The following DAB1 variants were observed in gnomAD, a reference collection of about 807,000 sequenced individuals.
DAB1 encodes the protein disabled homolog 1.
DAB1 carries 15 observed loss-of-function variants against 64.6 expected under a neutral mutation model. That is an observed-to-expected ratio of 0.23 (90% CI 0.16 to 0.36). The LOEUF (loss-of-function observed/expected upper bound fraction) is 0.36. DAB1 is among the 10% of genes least tolerant of loss of function. The pLI is 1.00. For missense variants in DAB1, 596 were observed against 706.7 expected (o/e 0.84, Z 1.78); for synonymous variants, 235 against 251.9 (o/e 0.93, Z 0.64).
rs959716033 is a variant in DAB1 at position 57,702,014 on chromosome 1, C to T, written n.552-52349G>A. On this transcript the variant is annotated intron_variant and non_coding_transcript_variant, in intron 6 of 20. Transcript: ENST00000485760. ...GTTAGAGTTGGTCAATGGTTCCTTG[C>T]TCTGTCCATTTGAGGAGGCCATGGT... is the stretch of plus-strand genomic sequence containing the variant. Among the ~76,000 whole-genome samples the T allele has an allele frequency of 4.6e-5, 7 of 152,174 alleles. 1 individual carries two copies. Among genetic ancestry groups the T allele is most frequent in the African/African-American group, 1.7e-4 (7 of 41,446 alleles).
chr1:58,131,949 A>T (rs1195166140), intron 5 of DAB1, among the ~76,000 whole-genome samples: 4 of 151,588 alleles, frequency 2.6e-5, no homozygotes, highest in Admixed American at 2.6e-4. Context: ...GTGCCTACAG[A>T]GGCAGGCAGG....
Position 57,695,376 on chromosome 1 carries a change from GAAA to G in DAB1, n.552-45714_552-45712del, listed in dbSNP as rs1557427824. ...AGAAAAGAAAGAAGAAAGAAAGAAA[GAAA>G]GAAAGAAAGAAAGAAAGAAAGAAAG... On this transcript the variant is annotated intron_variant and non_coding_transcript_variant, in intron 6 of 20. Transcript: ENST00000485760. Among the ~76,000 whole-genome samples, 491 of 62,306 alleles carry G rather than the reference GAAA, an allele frequency of 7.9e-3. 23 individuals are homozygous for G. Among genetic ancestry groups the G allele is most frequent in the African/African-American group, 0.033 (457 of 13,948 alleles). The allele number at this position is 62,306 out of a possible 152,430, so 40.9% of individuals were successfully genotyped here.
intron 3 of DAB1, among the ~76,000 whole-genome samples, chr1:58,386,059 A>G (rs191223720): frequency 5.3e-5 from 8 of 152,322 alleles, no homozygotes; most frequent in African/African-American, 1.9e-4. Flanking sequence ...GCGTTTTCGT[A>G]TCATTAAAAT....
At chr1:57,974,168 T>C (rs1478669753) in intron 5 of DAB1, among the ~76,000 whole-genome samples, 4 of 152,190 alleles carry the variant, frequency 2.6e-5, no homozygotes, top group Non-Finnish European at 4.4e-5. Context: ...TTCATTTGAC[T>C]GTCTCCTCAT....
intron 2 of DAB1, among the ~76,000 whole-genome samples, chr1:57,252,247 C>T (rs1309603183): frequency 6.6e-6 from 1 of 152,144 alleles, no homozygotes; most frequent in Non-Finnish European, 1.5e-5. Context: ...CTATATTCTC[C>T]CATTTGATTC....
rs537708173 is a variant in DAB1 at position 57,569,350 on chromosome 1, G to A, written n.625+80242C>T. Among the ~76,000 whole-genome samples, 6 of 150,976 alleles carry A rather than the reference G, an allele frequency of 4.0e-5. No homozygotes were observed. The South Asian group carries it at 6.3e-4, about 16-fold the overall frequency. ...TTGGAACCAACCCAAATGTCCATCA[G>A]TGATAGACTGGATTAAGAAAATGTG... On this transcript the variant is annotated intron_variant and non_coding_transcript_variant, in intron 7 of 20. Transcript: ENST00000485760.
At chr1:57,773,229 T>C (rs1035001689) in intron 6 of DAB1, among the ~76,000 whole-genome samples, 1 of 152,050 alleles carries the variant, frequency 6.6e-6, no homozygotes, top group Non-Finnish European at 1.5e-5. Context: ...ATAGCATTTT[T>C]TCATGTACTG....
At chr1:57,593,728 TA>T (rs1645473212) in intron 7 of DAB1, among the ~76,000 whole-genome samples, 2 of 152,060 alleles carry the variant, frequency 1.3e-5, no homozygotes, top group South Asian at 2.1e-4. Context: ...ATCAGGATTT[TA>T]AAAAAAGGGT....
chr1:57,057,609 T>G (rs1309227906), intron 9 of DAB1, among the ~76,000 whole-genome samples: 1 of 61,818 alleles, frequency 1.6e-5, no homozygotes, highest in East Asian at 5.0e-4. Context: ...ACACTGATTC[T>G]TTTTTTTTTT....
At chr1:58,293,635 A>G (rs1661901198) in intron 4 of DAB1, among the ~76,000 whole-genome samples, 1 of 152,194 alleles carries the variant, frequency 6.6e-6, no homozygotes, top group Non-Finnish European at 1.5e-5. Flanking sequence ...CCAGCTGTAC[A>G]GGCCAGCTCT....
At chr1:57,979,418 TG>T (rs1205578737) in intron 5 of DAB1, among the ~76,000 whole-genome samples, 2 of 150,944 alleles carry the variant, frequency 1.3e-5, no homozygotes, top group Non-Finnish European at 3.0e-5. Context: ...CTATGGGGGA[TG>T]GGGGGCTAGG....
At chr1:57,071,154 A>G in intron 6 of DAB1, 93 bp from the exon 7 acceptor site, 1 of 1,258,432 alleles carries the variant, frequency 7.9e-7, no homozygotes, top group Non-Finnish European at 1.1e-6. Context: ...CAGTAAAGAA[A>G]CCAGCTCTGG....
At chr1:57,746,887 G>T (rs997095352) in intron 6 of DAB1, among the ~76,000 whole-genome samples, 2 of 151,446 alleles carry the variant, frequency 1.3e-5, no homozygotes, top group African/African-American at 2.4e-5. Flanking sequence ...TGTCTTTTAC[G>T]TACTGATTTA....
Position 57,311,656 on chromosome 1 carries a change from T to C in DAB1, c.-136-20490A>G, listed in dbSNP as rs1319482561. Among the ~76,000 whole-genome samples, 7 of 152,138 alleles carry C rather than the reference T, an allele frequency of 4.6e-5. 1 individual carries two copies. In the East Asian group the frequency reaches 1.4e-3, roughly 29 times the overall value. On this transcript the variant is annotated intron_variant, in intron 1 of 14. Coordinates refer to ENST00000371236, the MANE Select transcript of DAB1 (RefSeq NM_001365792.1). ...ATAAATGAAGATTCGGTTTAACTCA[T>C]CTGGAAAAGTTAACTTTTCTGGATG...
intron 4 of DAB1, among the ~76,000 whole-genome samples, chr1:58,203,080 G>T (rs1012440881): frequency 1.3e-5 from 2 of 152,182 alleles, no homozygotes; most frequent in African/African-American, 4.8e-5. Context: ...AGAAGATCCT[G>T]CCCTTAAGAG....
intron 3 of DAB1, among the ~76,000 whole-genome samples, chr1:58,387,082 AAAAC>A (rs1557746398): frequency 6.6e-6 from 1 of 152,194 alleles, no homozygotes; most frequent in Non-Finnish European, 1.5e-5. Context: ...ACAAAACAAA[AAAAC>A]AAACAAACAA....
chr1:57,102,703 A>G (rs1557723616), intron 4 of DAB1, among the ~76,000 whole-genome samples: 1 of 152,192 alleles, frequency 6.6e-6, no homozygotes, highest in South Asian at 2.1e-4. Flanking sequence ...AAAGTATAGG[A>G]TATCATGAAG....
In DAB1 at chr1:58,434,599, G is replaced by C. The variant is rs139598499; in HGVS notation, n.257+71461C>G. Reference sequence around the variant, plus strand: ...GGGTTTAAGAAAGAGATCTGAGTGGGAGACATAAATTTGGGATTTATCACC... The same window carrying C: ...GGGTTTAAGAAAGAGATCTGAGTGGCAGACATAAATTTGGGATTTATCACC... On this transcript the variant is annotated intron_variant and non_coding_transcript_variant, in intron 3 of 20. Transcript: ENST00000485760. 1.3e-3 allele frequency among the ~76,000 whole-genome samples: 195 copies of C among 152,252 alleles called. 2 individuals carry two copies. The East Asian group carries it at 0.029, about 22-fold the overall frequency.
intron 3 of DAB1, among the ~76,000 whole-genome samples, chr1:58,359,688 T>C (rs1294248952): frequency 6.6e-6 from 1 of 152,180 alleles, no homozygotes; most frequent in African/African-American, 2.4e-5. Flanking sequence ...GTAGAGATGA[T>C]AGCAAGGGGT....
Sources: gnomAD v4.1 joint callset for allele counts (sites outside exome capture counted in the v4.1 genomes callset) on GRCh38, gnomAD v4.1.1 for gene constraint, MANE v1.5 for transcripts, NCBI Gene and HGNC (gene_info 2026-07-23, HGNC 2026-07-21) for gene names.